FBXL17: variants seen among roughly 807,000 people sequenced by gnomAD.
The protein encoded by FBXL17 is F-box/LRR-repeat protein 17.
FBXL17 carries 22 observed loss-of-function variants against 66.2 expected under a neutral mutation model. The observed-to-expected ratio is 0.33, with a 90% CI of 0.24 to 0.47. The LOEUF (loss-of-function observed/expected upper bound fraction) is 0.47, where lower values mean the gene tolerates loss of function less well. Among genes scored for constraint, FBXL17 ranks in the 20% least tolerant of loss-of-function variants. The probability of loss-of-function intolerance (pLI) is 1.00; values close to 1 mark genes in which losing one functional copy is unlikely to be tolerated. For missense variants in FBXL17, 878 were observed against 948.2 expected (o/e 0.93, Z 0.97); for synonymous variants, 474 against 400.5 (o/e 1.18, Z -2.19).
At chr5:108,348,063 G>C (rs1391417206) in intron 4 of FBXL17, among the ~76,000 whole-genome samples, 1 of 152,082 alleles carries the variant, frequency 6.6e-6, no homozygotes, top group Non-Finnish European at 1.5e-5. Flanking sequence ...ATAATCCCTA[G>C]AGATATCAGA....
At chr5:108,159,517 A>T (rs1048759311) in intron 6 of FBXL17, among the ~76,000 whole-genome samples, 5 of 152,140 alleles carry the variant, frequency 3.3e-5, no homozygotes, top group Admixed American at 6.5e-5. Context: ...GACCCCAAAG[A>T]GGTAGTTCCT....
At chr5:108,138,295 C>A in intron 6 of FBXL17, among the ~76,000 whole-genome samples, 1 of 152,212 alleles carries the variant, frequency 6.6e-6, no homozygotes, top group East Asian at 1.9e-4. Flanking sequence ...TTCTCTCACA[C>A]ATCTGGCCAA....
At chr5:108,008,525 T>C (rs1377004599) in intron 7 of FBXL17, among the ~76,000 whole-genome samples, 1 of 152,164 alleles carries the variant, frequency 6.6e-6, no homozygotes, top group Non-Finnish European at 1.5e-5. Flanking sequence ...CTGTTCAACA[T>C]TGGCAGCTTA....
intron 6 of FBXL17, among the ~76,000 whole-genome samples, chr5:108,167,082 T>C (rs904565858): frequency 2.0e-5 from 3 of 152,172 alleles, no homozygotes; most frequent in African/African-American, 7.2e-5. Flanking sequence ...TTTAAATCTC[T>C]ATTATGAATT....
At chr5:108,019,988 T>C (rs1259687883) in intron 7 of FBXL17, among the ~76,000 whole-genome samples, 1 of 151,946 alleles carries the variant, frequency 6.6e-6, no homozygotes, top group Non-Finnish European at 1.5e-5. Flanking sequence ...AGTAAAATTT[T>C]TCAAAAAGAT....
intron 4 of FBXL17, among the ~76,000 whole-genome samples, chr5:108,316,798 T>C (rs1759385542): frequency 6.6e-6 from 1 of 151,086 alleles, no homozygotes; most frequent in South Asian, 2.1e-4. Context: ...GAAATTATAC[T>C]GTTGATTTTT....
intron 8 of FBXL17, among the ~76,000 whole-genome samples, chr5:107,871,653 A>G (rs1386081437): frequency 6.6e-6 from 1 of 152,112 alleles, no homozygotes; most frequent in Non-Finnish European, 1.5e-5. Flanking sequence ...GCAGATGAGA[A>G]CCAGAACATA....
intron 6 of FBXL17, among the ~76,000 whole-genome samples, chr5:108,085,923 C>T (rs974312797): frequency 6.6e-6 from 1 of 152,132 alleles, no homozygotes; most frequent in Non-Finnish European, 1.5e-5. Context: ...GATGCTGTCT[C>T]AGTAATAATA....
chr5:108,153,236 T>A (rs1328795124), intron 6 of FBXL17, among the ~76,000 whole-genome samples: 1 of 152,208 alleles, frequency 6.6e-6, no homozygotes, highest in African/African-American at 2.4e-5. Context: ...CAGCAGCCTA[T>A]ATTTTATCTG....
intron 4 of FBXL17, among the ~76,000 whole-genome samples, chr5:108,285,244 C>T (rs1267943185): frequency 6.6e-6 from 1 of 151,828 alleles, no homozygotes; most frequent in Non-Finnish European, 1.5e-5. Flanking sequence ...TACTGAACCC[C>T]TCAAAGTCAT....
chr5:107,952,808 C>G (rs1273556742), intron 7 of FBXL17, among the ~76,000 whole-genome samples: 8 of 152,126 alleles, frequency 5.3e-5, no homozygotes, highest in Non-Finnish European at 7.3e-5. Flanking sequence ...CTAAGGAAGT[C>G]CAGCTTTTCT....
chr5:108,174,400 G>C (rs1186443735), intron 6 of FBXL17, among the ~76,000 whole-genome samples: 1 of 152,012 alleles, frequency 6.6e-6, no homozygotes, highest in African/African-American at 2.4e-5. Context: ...CATTTCAAAA[G>C]ACAGTTCCAA....
At chr5:108,275,250 C>G (rs868240219) in intron 4 of FBXL17, among the ~76,000 whole-genome samples, 10 of 152,164 alleles carry the variant, frequency 6.6e-5, no homozygotes, top group African/African-American at 1.9e-4. Context: ...GCACTGCCTA[C>G]GACACAAGAC....
intron 7 of FBXL17, among the ~76,000 whole-genome samples, chr5:108,000,222 C>A (rs112700933): frequency 6.6e-6 from 1 of 152,144 alleles, no homozygotes; most frequent in Non-Finnish European, 1.5e-5. Flanking sequence ...TCAATAACAA[C>A]ATCACCCTGG....
chr5:108,235,693 A>T (rs1755568771), intron 4 of FBXL17, among the ~76,000 whole-genome samples: 1 of 152,096 alleles, frequency 6.6e-6, no homozygotes, highest in South Asian at 2.1e-4. Context: ...ATCCCATCTC[A>T]TCTAATTCAT....
chr5:108,307,073 C>T (rs1385461683), intron 4 of FBXL17, among the ~76,000 whole-genome samples: 1 of 152,024 alleles, frequency 6.6e-6, no homozygotes, highest in Non-Finnish European at 1.5e-5. Context: ...CCCTATACCT[C>T]TCACTTCTCC....
intron 4 of FBXL17, among the ~76,000 whole-genome samples, chr5:108,328,464 A>T (rs553539131): frequency 1.3e-5 from 2 of 152,214 alleles, no homozygotes; most frequent in East Asian, 3.9e-4. Context: ...CTGATAGAAA[A>T]CCATCAAAAT....
Position 107,864,707 on chromosome 5 carries a change from G to A in FBXL17, c.1966-2847C>T, listed in dbSNP as rs140573462. 1.0e-3 allele frequency among the ~76,000 whole-genome samples: 154 copies of A among 152,222 alleles called. 1 individual carries two copies. The highest frequency in any genetic ancestry group is 3.6e-3 in the African/African-American group (148 of 41,528). On this transcript the variant is annotated intron_variant, in intron 8 of 8. Transcript: ENST00000542267. ...TGCTCCCAGCCTCACCATGTGACAT[G>A]CTTGCTCCCCTTCGCCTTCCACCAT... is the stretch of plus-strand genomic sequence containing the variant.
In FBXL17 at chr5:108,118,172, C is replaced by A. The variant is rs572881022; in HGVS notation, c.1745+67945G>T. On this transcript the variant is annotated intron_variant, in intron 6 of 8. Coordinates refer to ENST00000542267, the MANE Select transcript of FBXL17 (RefSeq NM_001163315.3). The stretch of plus-strand genomic sequence containing the variant: ...CCTGTTCTCTTCTTAAAACTCCATG[C>A]ATGTGTAAGATTTTCACTATAACCT... 8.7e-4 allele frequency among the ~76,000 whole-genome samples: 133 copies of A among 152,308 alleles called. 1 individual carries two copies. In the Middle Eastern group the frequency reaches 0.01, roughly 12 times the overall value.
Sources: allele counts gnomAD v4.1 joint callset (sites outside exome capture counted in the v4.1 genomes callset), GRCh38; gene constraint gnomAD v4.1.1; transcripts MANE v1.5; gene names NCBI Gene and HGNC (gene_info 2026-07-23, HGNC 2026-07-21).